Variants in MALAT1 observed in about 807,000 individuals in gnomAD.
MALAT1 encodes hepcarcin.
chr11:65,501,669 C>G (rs760960661), exon 3 of MALAT1: 1 of 518,864 alleles, frequency 1.9e-6, no homozygotes, highest in South Asian at 1.4e-5. Flanking sequence ...CCTTCAGGGA[C>G]TGGAGCTGCT....
exon 3 of MALAT1, chr11:65,503,762 G>A (rs371114844): frequency 1.9e-6 from 1 of 515,922 alleles, no homozygotes; most frequent in South Asian, 1.4e-5. Context: ...TAATGGACCA[G>A]ATCAGGATTT....
rs141963960 is a variant in MALAT1, at chr11:65,503,659, A to G, written n.4922A>G. On this transcript the variant is annotated non_coding_transcript_exon_variant, in exon 3 of 4. Coordinates refer to ENST00000619449, the Ensembl canonical transcript of MALAT1. ...TTTTAGAAAGCTGTCTCCTTATTTA[A>G]ATAAAATAGTGTTTGTCTGTAGTTC... 3,037 of 513,574 alleles carry G rather than the reference A, an allele frequency of 5.9e-3. 27 individuals carry two copies. The highest frequency in any genetic ancestry group is 7.9e-3 in the Non-Finnish European group (2,030 of 258,494). The allele number at this position is 513,574 out of a possible 1,614,324, so 31.8% of individuals were successfully genotyped here. A position where few individuals can be genotyped will look rare whatever the true frequency, so the allele number is the denominator to read the frequency against.
At chr11:65,501,441 G>A in exon 3 of MALAT1, 1 of 515,556 alleles carries the variant, frequency 1.9e-6, no homozygotes, top group Non-Finnish European at 3.9e-6. Flanking sequence ...ATGGCTGGTA[G>A]TTACTCTTTT....
chr11:65,501,636 C>T (rs769709698), exon 3 of MALAT1: 1 of 518,896 alleles, frequency 1.9e-6, no homozygotes, highest in South Asian at 1.4e-5. Context: ...AAGGAGTGTA[C>T]CGCTGTGCTG....
At chr11:65,499,115 G>T (rs1565673962) in exon 3 of MALAT1, 1 of 517,964 alleles carries the variant, frequency 1.9e-6, no homozygotes, top group Admixed American at 1.9e-5. Flanking sequence ...CCGCAGATAA[G>T]TTTTTTTCTC....
exon 3 of MALAT1, chr11:65,500,997 C>T (rs758569611): frequency 2.0e-6 from 1 of 509,570 alleles, no homozygotes; most frequent in Admixed American, 2.0e-5. Context: ...TAGTAGATGG[C>T]AAGTTTGTGG....
exon 3 of MALAT1, chr11:65,499,150 C>T (rs11547521): frequency 1.9e-6 from 1 of 512,900 alleles, no homozygotes. Context: ...ATTAATACAA[C>T]TACTTAAAAA....
At chr11:65,503,981 T>G (rs752815363) in intron 3 of MALAT1, 6 of 515,682 alleles carry the variant, frequency 1.2e-5, no homozygotes, top group African/African-American at 1.2e-4. Flanking sequence ...AAATTGACAG[T>G]GATTAGAGTA....
chr11:65,503,998 T>G (rs1854615431), intron 3 of MALAT1: 1 of 517,054 alleles, frequency 1.9e-6, no homozygotes, highest in Non-Finnish European at 3.9e-6. Context: ...AGTAATACTT[T>G]TTCACATTTC....
chr11:65,501,379 A>C, exon 3 of MALAT1: 1 of 518,552 alleles, frequency 1.9e-6, no homozygotes, highest in Non-Finnish European at 3.9e-6. Flanking sequence ...AGTTTATAGA[A>C]ACTAGAGCAG....
At chr11:65,501,809 C>T (rs756785691) in exon 3 of MALAT1, 8 of 518,096 alleles carry the variant, frequency 1.5e-5, no homozygotes, top group African/African-American at 1.3e-4. Context: ...TTAAGTTTTC[C>T]AATAATGTGA....
At chr11:65,505,286 GAA>G (rs1395011890) in intron 3 of MALAT1, 1 of 518,842 alleles carries the variant, frequency 1.9e-6, no homozygotes, top group South Asian at 1.4e-5. Flanking sequence ...AAGGTCAAGA[GAA>G]GTGTCAGCCT....
At chr11:65,503,203 T>G (rs772717107) in exon 3 of MALAT1, 1 of 513,074 alleles carries the variant, frequency 1.9e-6, no homozygotes, top group Non-Finnish European at 3.9e-6. Flanking sequence ...TAAGTTTAAC[T>G]TGCATCTGCA....
chr11:65,499,478 T>C (rs1419529806), exon 3 of MALAT1: 1 of 465,876 alleles, frequency 2.1e-6, no homozygotes, highest in Non-Finnish European at 4.2e-6. Flanking sequence ...TAAAATAATT[T>C]GAAGGCGATC....
intron 3 of MALAT1, chr11:65,504,954 G>A (rs201312493): frequency 1.6e-4 from 81 of 518,642 alleles, no homozygotes; most frequent in Non-Finnish European, 8.1e-5. Context: ...TCTTTCAGAT[G>A]GTATTCTTCA....
chr11:65,499,652 T>G (rs1490468972), exon 3 of MALAT1: 1 of 436,244 alleles, frequency 2.3e-6, no homozygotes, highest in African/African-American at 2.1e-5. Flanking sequence ...AAGATAGAAG[T>G]TTGAAGTGGA....
At chr11:65,503,435 C>T (rs376686732) in exon 3 of MALAT1, 15 of 517,364 alleles carry the variant, frequency 2.9e-5, no homozygotes, top group South Asian at 7.0e-5. Flanking sequence ...TCTTAAAAGC[C>T]TCTAAAGTGA....
chr11:65,501,344 G>C (rs760231372), exon 3 of MALAT1: 1 of 518,698 alleles, frequency 1.9e-6, no homozygotes, highest in Non-Finnish European at 3.8e-6. Flanking sequence ...CCAATATCAG[G>C]ATAATCAGAC....
intron 3 of MALAT1, chr11:65,504,143 T>G (rs759411601): frequency 1.9e-6 from 1 of 517,066 alleles, no homozygotes; most frequent in East Asian, 5.4e-5. Context: ...AGGCATTTCA[T>G]CCTTCATGAA....
Sources: gnomAD v4.1 joint callset for allele counts on GRCh38, gnomAD v4.1.1 for gene constraint, MANE v1.5 for transcripts, NCBI Gene and HGNC (gene_info 2026-07-23, HGNC 2026-07-21) for gene names.